MICOS10: variants seen among roughly 807,000 people sequenced by gnomAD.
MICOS10 encodes mitochondrial contact site and cristae organizing system subunit 10, also known as MICOS complex subunit MIC10.
MICOS10 carries 5 observed loss-of-function variants against 13.4 expected under a neutral mutation model. The observed-to-expected ratio is 0.37, with a 90% CI of 0.20 to 0.78. MICOS10 has a LOEUF of 0.78. Ranked by LOEUF, MICOS10 falls within the 30% of genes least tolerant of loss-of-function variation. The pLI, the probability that MICOS10 is intolerant of heterozygous loss-of-function variation, is 0.47. For missense variants in MICOS10, 101 were observed against 94.6 expected (o/e 1.07, Z -0.28); for synonymous variants, 35 against 33.6 (o/e 1.04, Z -0.15).
chr1:19,601,126 G>T, intron 1 of MICOS10: 1 of 714,776 alleles, frequency 1.4e-6, no homozygotes, highest in Non-Finnish European at 2.1e-6. Flanking sequence ...GCTTTCTTAA[G>T]CCTGTACTTT....
chr1:19,628,572 C>T lies in MICOS10; in HGVS notation c.*2171C>T, dbSNP rs2094929091. On this transcript the variant is annotated 3_prime_UTR_variant, in exon 4 of 4. Coordinates refer to ENST00000322753, the MANE Select transcript of MICOS10 (RefSeq NM_001032363.4). The stretch of plus-strand genomic sequence containing the variant: ...TGGCGCACACCTGTAGTCCCAGCTA[C>T]TCAGGAGGTTGAGGCAGGAGAATCA... The T allele has an allele frequency of 6.6e-6, 1 of 150,868 alleles. No individual in the cohort carries two copies. The highest frequency in any genetic ancestry group is 1.5e-5 in the Non-Finnish European group (1 of 67,960). The allele number at this position is 150,868 out of a possible 1,614,324, so 9.3% of individuals were successfully genotyped here.
At chr1:19,611,238 C>A (rs1185761165) in intron 1 of MICOS10, among the ~76,000 whole-genome samples, 2 of 152,170 alleles carry the variant, frequency 1.3e-5, no homozygotes, top group Non-Finnish European at 2.9e-5. Context: ...AGGTGCAAGC[C>A]ACTGCGCCTG....
At chr1:19,613,558 TTGTA>T (rs1451364707) in intron 1 of MICOS10, among the ~76,000 whole-genome samples, 1 of 152,220 alleles carries the variant, frequency 6.6e-6, no homozygotes, top group East Asian at 1.9e-4. Context: ...GTTTCTGTCA[TTGTA>T]CCCTGTACTT....
At chr1:19,615,940 C>T (rs906897594) in intron 1 of MICOS10, among the ~76,000 whole-genome samples, 2 of 151,378 alleles carry the variant, frequency 1.3e-5, no homozygotes, top group Non-Finnish European at 2.9e-5. Context: ...ATTTTTTAGA[C>T]GGAGTCTTGC....
Position 19,597,058 on chromosome 1 carries a change from G to A in MICOS10, c.13G>A (p.Glu5Lys), listed in dbSNP as rs765411489. 2.1e-5 allele frequency: 34 copies of A among 1,592,700 alleles called. No homozygotes were observed. Among genetic ancestry groups the A allele is most frequent in the Non-Finnish European group, 2.7e-5 (32 of 1,172,080 alleles). Residue 5 changes from glutamate to lysine, a missense_variant, in exon 1 of 4, where the codon GAG (glutamate) becomes AAG (lysine). Physicochemically the swap from Glu to Lys is moderately conservative, Grantham distance 56 (BLOSUM62 1). Coordinates refer to ENST00000322753, the MANE Select transcript of MICOS10 (RefSeq NM_001032363.4). Reference sequence around the variant, plus strand: ...GCGGGTGGGGAACATGTCTGAGTCGGAGCTCGGCAGGAAGTGGGACCGGTG... The same window carrying A: ...GCGGGTGGGGAACATGTCTGAGTCGAAGCTCGGCAGGAAGTGGGACCGGTG... MSES[E>K]LGRKWDRCLA... is the part of the protein sequence containing the mutation.
intron 3 of MICOS10, 188 bp downstream of exon 3, chr1:19,623,771 C>CTTCAGATGCGTATGTACG: frequency 1.9e-6 from 1 of 537,966 alleles, no homozygotes; most frequent in East Asian, 3.0e-5. Flanking sequence ...TCCCCTGTGC[C>CTTCAGATGCGTATGTACG]TTCAGATGCG....
At chr1:19,622,762 C>G (rs959460246) in intron 2 of MICOS10, among the ~76,000 whole-genome samples, 4 of 152,154 alleles carry the variant, frequency 2.6e-5, no homozygotes, top group Admixed American at 2.6e-4. Context: ...AACCCCATGA[C>G]TTACTACTAC....
intron 1 of MICOS10, chr1:19,598,279 C>G (rs1337785720): frequency 1.3e-5 from 2 of 152,164 alleles, no homozygotes; most frequent in East Asian, 3.9e-4. Flanking sequence ...ATAATTATTA[C>G]TATCTCATGG....
intron 1 of MICOS10, among the ~76,000 whole-genome samples, chr1:19,598,583 C>G (rs2094801738): frequency 6.6e-6 from 1 of 150,628 alleles, no homozygotes; most frequent in African/African-American, 2.4e-5. Context: ...TGGAGACCAG[C>G]CTGGGAAACA....
intron 2 of MICOS10, 78 bp downstream of exon 2, chr1:19,622,225 T>C (rs2094906246): frequency 2.6e-6 from 3 of 1,174,896 alleles, no homozygotes; most frequent in Admixed American, 4.5e-5. Context: ...AGAGGACACA[T>C]TGGAACCCAT....
At chr1:19,624,487 C>T (rs1209536084) in intron 3 of MICOS10, among the ~76,000 whole-genome samples, 3 of 152,078 alleles carry the variant, frequency 2.0e-5, no homozygotes, top group Non-Finnish European at 4.4e-5. Flanking sequence ...GGGGTTTCAC[C>T]ATGTTGGCCA....
intron 1 of MICOS10, among the ~76,000 whole-genome samples, chr1:19,601,587 AAAAAG>A (rs1425160566): frequency 3.3e-5 from 5 of 151,830 alleles, no homozygotes; most frequent in Non-Finnish European, 4.4e-5. Context: ...AAAAAAAAAA[AAAAAG>A]AAAAGAAAAA....
chr1:19,598,995 C>T (rs768152260), intron 1 of MICOS10, among the ~76,000 whole-genome samples: 1 of 152,128 alleles, frequency 6.6e-6, no homozygotes, highest in Non-Finnish European at 1.5e-5. Flanking sequence ...AGCGATCCTC[C>T]TGCCTCAGCC....
At chr1:19,604,358 A>T (rs894932027) in intron 1 of MICOS10, among the ~76,000 whole-genome samples, 1 of 151,958 alleles carries the variant, frequency 6.6e-6, no homozygotes, top group Non-Finnish European at 1.5e-5. Context: ...ACATACAAAA[A>T]ATTAGCCAGG....
intron 1 of MICOS10, among the ~76,000 whole-genome samples, chr1:19,610,626 A>G (rs2094857049): frequency 6.6e-6 from 1 of 151,698 alleles, no homozygotes; most frequent in African/African-American, 2.4e-5. Flanking sequence ...AATTTTCTTT[A>G]TCCAATCTAA....
chr1:19,610,366 G>GTTT (rs1399023567), intron 1 of MICOS10, among the ~76,000 whole-genome samples: 1 of 6,510 alleles, frequency 1.5e-4, no homozygotes, highest in Non-Finnish European at 2.4e-4. Context: ...CCACCCCCCG[G>GTTT]CTTTTTTTTT....
intron 1 of MICOS10, among the ~76,000 whole-genome samples, chr1:19,598,652 G>A (rs2094802162): frequency 6.6e-6 from 1 of 151,468 alleles, no homozygotes; most frequent in East Asian, 1.9e-4. Context: ...GGGCTTTGGA[G>A]GTAGACAGAG....
chr1:19,618,299 T>G (rs888347753), intron 1 of MICOS10, among the ~76,000 whole-genome samples: 1 of 151,406 alleles, frequency 6.6e-6, no homozygotes, highest in African/African-American at 2.4e-5. Context: ...ATTATTATTA[T>G]TATTTTGTTT....
intron 1 of MICOS10, among the ~76,000 whole-genome samples, chr1:19,604,621 T>C (rs58270583): frequency 0.021 from 3,148 of 152,304 alleles, 110 homozygotes; most frequent in African/African-American, 0.072. Context: ...TGGGTCTTAT[T>C]GTGGGTCGTG....
Sources: allele counts gnomAD v4.1 joint callset (sites outside exome capture counted in the v4.1 genomes callset), GRCh38; gene constraint gnomAD v4.1.1; transcripts MANE v1.5; gene names NCBI Gene and HGNC (gene_info 2026-07-23, HGNC 2026-07-21).